The following NINJ2 variants were observed in gnomAD, a reference collection of about 807,000 sequenced individuals.
The protein encoded by NINJ2 is ninjurin-2.
A neutral mutation model predicts 11.7 loss-of-function variants in NINJ2; 12 were observed. That is an observed-to-expected ratio of 1.02 (90% confidence interval 0.66 to 1.66). NINJ2 has a LOEUF of 1.66. Ranked by LOEUF, NINJ2 falls within the 40% of genes most tolerant of loss-of-function variation. The probability of loss-of-function intolerance (pLI) is 0.00; values close to 1 mark genes in which losing one functional copy is unlikely to be tolerated. For synonymous variants in NINJ2, 93 were observed against 76.8 expected (o/e 1.21, Z -1.10); for missense variants, 187 against 181.8 (o/e 1.03, Z -0.16).
intron 1 of NINJ2, among the ~76,000 whole-genome samples, chr12:625,346 T>C (rs1948201132): frequency 1.3e-5 from 2 of 151,656 alleles, no homozygotes; most frequent in African/African-American, 4.9e-5. Flanking sequence ...GGAGAGGGAG[T>C]AGACAGAGAG....
chr12:578,159 C>A (rs1026515285), intron 1 of NINJ2, among the ~76,000 whole-genome samples: 3 of 152,042 alleles, frequency 2.0e-5, no homozygotes, highest in Non-Finnish European at 2.9e-5. Flanking sequence ...GGTCACGTAC[C>A]CCCTGATTAC....
rs1451400906 is a variant in NINJ2 at position 585,839 on chromosome 12, G to A, written c.34-19661C>T. On this transcript the variant is annotated intron_variant, in intron 1 of 3. Transcript: ENST00000305108. This position sits in a 1 kb window ranked among gnomAD's most constrained non-coding sequence, Gnocchi z 4.1. ...ATGGGTGCCAAGTGAGAGATACAAA[G>A]GGTGGAAGAGCAGGAGCGCCTCCAT... 3.9e-5 allele frequency: 6 copies of A among 152,284 alleles called. No individual in the cohort carries two copies. The highest frequency in any genetic ancestry group is 1.4e-4 in the African/African-American group (6 of 41,456). The allele number at this position is 152,284 out of a possible 1,614,324, so 9.4% of individuals were successfully genotyped here.
intron 1 of NINJ2, among the ~76,000 whole-genome samples, chr12:587,237 C>T (rs1336923331): frequency 6.6e-6 from 1 of 152,144 alleles, no homozygotes; most frequent in Non-Finnish European, 1.5e-5. Flanking sequence ...CCAGGACGGG[C>T]TGCAAACGGG....
intron 1 of NINJ2, among the ~76,000 whole-genome samples, chr12:569,688 G>C (rs996643890): frequency 6.6e-6 from 1 of 152,202 alleles, no homozygotes; most frequent in Non-Finnish European, 1.5e-5. Context: ...CGGGCAGCAC[G>C]GAGGTCTTCC....
intron 1 of NINJ2, among the ~76,000 whole-genome samples, chr12:658,494 G>C (rs114358652): frequency 1.1e-3 from 161 of 152,280 alleles, no homozygotes; most frequent in African/African-American, 3.7e-3. Context: ...GTGAGAGAAG[G>C]CAATCTGAAA....
intron 1 of NINJ2, among the ~76,000 whole-genome samples, chr12:566,623 C>T (rs1947304343): frequency 6.6e-6 from 1 of 152,218 alleles, no homozygotes; most frequent in African/African-American, 2.4e-5. Flanking sequence ...CACCTCCTCT[C>T]GCATAATGCT....
At chr12:588,194 C>T (rs75681256) in intron 1 of NINJ2, among the ~76,000 whole-genome samples, 3 of 42,640 alleles carry the variant, frequency 7.0e-5, no homozygotes, top group Non-Finnish European at 1.2e-4. Flanking sequence ...ACGGAAGGGA[C>T]GGAGGGGACG....
chr12:647,678 T>TA (rs1423976964), intron 1 of NINJ2, among the ~76,000 whole-genome samples: 1 of 152,172 alleles, frequency 6.6e-6, no homozygotes, highest in African/African-American at 2.4e-5. Context: ...ATTTCTCCCA[T>TA]ACATCAGTCA....
At chr12:649,193 T>C (rs1937747268) in intron 1 of NINJ2, among the ~76,000 whole-genome samples, 3 of 152,010 alleles carry the variant, frequency 2.0e-5, no homozygotes, top group African/African-American at 7.2e-5. Flanking sequence ...ATTACAGGCA[T>C]GCGCCACCAC....
intron 1 of NINJ2, among the ~76,000 whole-genome samples, chr12:659,894 C>T (rs1242596884): frequency 5.9e-5 from 9 of 152,136 alleles, no homozygotes; most frequent in Admixed American, 5.9e-4. Flanking sequence ...GAAACAGTTA[C>T]TAAGACATTG....
chr12:660,232 G>A (rs1439244134), intron 1 of NINJ2, among the ~76,000 whole-genome samples: 1 of 146,386 alleles, frequency 6.8e-6, no homozygotes, highest in South Asian at 2.1e-4. Flanking sequence ...AGGCTGCAGT[G>A]AGCCAAGATT....
Position 649,527 on chromosome 12 carries a change from A to ATG in NINJ2, c.33+13799_33+13800dup, listed in dbSNP as rs1431426195. Among the ~76,000 whole-genome samples, 459 of 107,264 alleles carry ATG rather than the reference A, an allele frequency of 4.3e-3. 5 individuals carry two copies. Among genetic ancestry groups the ATG allele is most frequent in the African/African-American group, 0.015 (429 of 28,722 alleles). The allele number at this position is 107,264 out of a possible 152,430, so 70.4% of individuals were successfully genotyped here. On this transcript the variant is annotated intron_variant, in intron 1 of 3. Transcript: ENST00000305108. ...AAACAGTGAATATGTGTGTGTGTAT[A>ATG]TGTGTATATATATATATATATATAT...
At chr12:596,811 C>T (rs1283175581) in intron 1 of NINJ2, among the ~76,000 whole-genome samples, 1 of 151,722 alleles carries the variant, frequency 6.6e-6, no homozygotes, top group Non-Finnish European at 1.5e-5. Context: ...GTAGTCCCAG[C>T]TACAGGAGGC....
chr12:566,085 A>G lies in NINJ2; in HGVS notation c.127T>C (p.Phe43Leu), dbSNP rs1317802291. 3 of 1,614,088 alleles carry G rather than the reference A, an allele frequency of 1.9e-6. No homozygotes were observed. The highest frequency in any genetic ancestry group is 2.2e-5 in the East Asian group (1 of 44,880). ...TTCAGCCGCATGGCGTTGGACATGA[A>G]CAGGGCCACGTCCAGCATGCTCTCC... The part of the protein sequence containing the change: ...VAESMLDVAL[F>L]MSNAMRLKAV... Residue 43 changes from phenylalanine (F) to leucine (L), a missense_variant, in exon 2 of 4, where the codon TTC (phenylalanine) becomes CTC (leucine). Coordinates refer to ENST00000305108, the MANE Select transcript of NINJ2 (RefSeq NM_016533.6).
chr12:588,384 T>C (rs1947672762), intron 1 of NINJ2, among the ~76,000 whole-genome samples: 1 of 152,210 alleles, frequency 6.6e-6, no homozygotes, highest in Admixed American at 6.5e-5. Flanking sequence ...GATTAATACA[T>C]TTGACTGCAT....
At chr12:600,865 CT>C (rs904069596) in intron 1 of NINJ2, among the ~76,000 whole-genome samples, 1 of 151,972 alleles carries the variant, frequency 6.6e-6, no homozygotes, top group African/African-American at 2.4e-5. Flanking sequence ...TTGTAAGTTT[CT>C]TTTTTTCTAT....
At chr12:635,075 C>T (rs554206210) in intron 1 of NINJ2, among the ~76,000 whole-genome samples, 6 of 144,980 alleles carry the variant, frequency 4.1e-5, no homozygotes, top group South Asian at 4.4e-4. Flanking sequence ...TTTTTTGAGA[C>T]GGAGTTTTGC....
intron 1 of NINJ2, chr12:642,916 C>G (rs1279314864): frequency 6.7e-6 from 1 of 149,332 alleles, no homozygotes; most frequent in Non-Finnish European, 1.5e-5. Context: ...GCCCTGCGCC[C>G]TCGCGCTCCC....
chr12:581,868 G>A lies in NINJ2; in HGVS notation c.34-15690C>T, dbSNP rs1001104738. On this transcript the variant is annotated intron_variant, in intron 1 of 3. Transcript: ENST00000305108. This position sits in a 1 kb window ranked among gnomAD's most constrained non-coding sequence, Gnocchi z 4.9. The stretch of plus-strand genomic sequence containing the variant: ...GCAAAAGTCAATGTAAGTCCCAGGC[G>A]ATGTCTAACTCAGCCCCAAGGTGTC... Among the ~76,000 whole-genome samples the A allele has an allele frequency of 4.6e-5, 7 of 152,138 alleles. No homozygotes were observed. The highest frequency in any genetic ancestry group is 1.7e-4 in the African/African-American group (7 of 41,416).
Sources: gnomAD v4.1 joint callset for allele counts (sites outside exome capture counted in the v4.1 genomes callset) on GRCh38, gnomAD v4.1.1 for gene constraint, Gnocchi (gnomAD v3.1) non-coding constraint, MANE v1.5 for transcripts, NCBI Gene and HGNC (gene_info 2026-07-23, HGNC 2026-07-21) for gene names.